DCTD: variants seen among roughly 807,000 people sequenced by gnomAD.
DCTD encodes dCMP deaminase, also known as deoxycytidylate deaminase.
In DCTD, 23 loss-of-function variants were observed where a neutral mutation model predicts 21.0. That is an observed-to-expected ratio of 1.09 (90% CI 0.79 to 1.55). The LOEUF is 1.55. Among genes scored for constraint, DCTD ranks in the 40% most tolerant of loss-of-function variants. The pLI, the probability that DCTD is intolerant of heterozygous loss-of-function variation, is 0.00. For synonymous variants in DCTD, 71 were observed against 81.1 expected (o/e 0.88, Z 0.67); for missense variants, 224 against 230.0 (o/e 0.97, Z 0.17).
intron 3 of DCTD, among the ~76,000 whole-genome samples, chr4:182,912,699 C>T (rs538477052): frequency 7.3e-4 from 111 of 152,312 alleles, no homozygotes; most frequent in Non-Finnish European, 1.3e-3. Flanking sequence ...AAATCAGCTA[C>T]ACGGGAAGTC....
intron 3 of DCTD, among the ~76,000 whole-genome samples, chr4:182,904,922 A>G (rs1409640254): frequency 6.6e-6 from 1 of 152,216 alleles, no homozygotes; most frequent in African/African-American, 2.4e-5. Flanking sequence ...CTGTTCCAGA[A>G]ATCTCTATCT....
intron 3 of DCTD, among the ~76,000 whole-genome samples, chr4:182,899,399 C>CTTTTTTTTTTTTTT (rs548073020): frequency 6.9e-6 from 1 of 144,328 alleles, no homozygotes. Flanking sequence ...CCTTTTTTTT[C>CTTTTTTTTTTTTTT]TTTTTCTTTT....
intron 3 of DCTD, among the ~76,000 whole-genome samples, chr4:182,904,904 C>A (rs1365061045): frequency 6.6e-6 from 1 of 152,206 alleles, no homozygotes; most frequent in African/African-American, 2.4e-5. Flanking sequence ...GCCTTGAGCA[C>A]CTTGCCTCTG....
intron 3 of DCTD, among the ~76,000 whole-genome samples, chr4:182,913,698 C>A (rs1301907914): frequency 6.6e-6 from 1 of 152,226 alleles, no homozygotes; most frequent in Non-Finnish European, 1.5e-5. Context: ...CCAGTCTGTT[C>A]ATTCTCAGAC....
chr4:182,904,323 G>A (rs13111117), intron 3 of DCTD, among the ~76,000 whole-genome samples: 8,708 of 152,248 alleles, frequency 0.057, 341 homozygotes, highest in South Asian at 0.11. Flanking sequence ...CTGCATCCAC[G>A]GTAGGCCATG....
chr4:182,908,708 A>AGAG (rs1737175836), intron 3 of DCTD, among the ~76,000 whole-genome samples: 1 of 137,370 alleles, frequency 7.3e-6, no homozygotes, highest in Non-Finnish European at 1.6e-5. Flanking sequence ...AAAAAAAAGA[A>AGAG]GAAGAAGAAG....
At chr4:182,897,769 G>A (rs146864544) in intron 3 of DCTD, among the ~76,000 whole-genome samples, 21 of 152,132 alleles carry the variant, frequency 1.4e-4, no homozygotes, top group African/African-American at 4.3e-4. Flanking sequence ...CCGCACCTGC[G>A]GGGCTGAGGA....
At chr4:182,893,378 G>T (rs1022835931) in intron 4 of DCTD, among the ~76,000 whole-genome samples, 1 of 152,152 alleles carries the variant, frequency 6.6e-6, no homozygotes, top group Non-Finnish European at 1.5e-5. Context: ...AACATGTCAA[G>T]TAGTCAAGCC....
Position 182,892,939 on chromosome 4 carries a change from G to A in DCTD, c.458+92C>T, listed in dbSNP as rs1382653379. 4.0e-6 allele frequency: 3 copies of A among 754,222 alleles called. No homozygotes were observed. In the African/African-American group the frequency reaches 5.2e-5, roughly 13 times the overall value. The allele number at this position is 754,222 out of a possible 1,614,324, so 46.7% of individuals were successfully genotyped here. On this transcript the variant is annotated intron_variant, in intron 5 of 5. Coordinates refer to ENST00000438320, the MANE Select transcript of DCTD (RefSeq NM_001921.3). ...TCTAAAGACACCTCCAAGTGTGGAA[G>A]TCAGGCATCACAAGGAGGAGACAAG...
chr4:182,907,654 C>T, intron 3 of DCTD, among the ~76,000 whole-genome samples: 1 of 152,116 alleles, frequency 6.6e-6, no homozygotes, highest in South Asian at 2.1e-4. Context: ...TGTACACATG[C>T]ACATTCTCCC....
In DCTD at chr4:182,908,703, AAAGAAG is replaced by A. The variant is rs1216280738; in HGVS notation, c.244+6214_244+6219del. On this transcript the variant is annotated intron_variant, in intron 3 of 5. Transcript: ENST00000438320. ...GTCTCAAAAAAAAAAAAAAAAAAAA[AAAGAAG>A]AAGAAGAAGAAGAAGAAATAAAGAA... Among the ~76,000 whole-genome samples, 743 of 134,886 alleles carry A rather than the reference AAAGAAG, an allele frequency of 5.5e-3. 10 individuals are homozygous for A. The highest frequency in any genetic ancestry group is 0.012 in the East Asian group (53 of 4,360). The allele number at this position is 134,886 out of a possible 152,430, so 88.5% of individuals were successfully genotyped here.
chr4:182,892,879 CT>C lies in DCTD; in HGVS notation c.458+151del, dbSNP rs1310715656. 45 of 628,536 alleles carry C rather than the reference CT, an allele frequency of 7.2e-5. No individual in the cohort carries two copies. In the East Asian group the frequency reaches 1.1e-3, roughly 15 times the overall value. 38.9% of individuals were successfully genotyped at this position (628,536 alleles called of 1,614,324 possible). A position where few individuals can be genotyped will look rare whatever the true frequency, so the allele number is the denominator to read the frequency against. On this transcript the variant is annotated intron_variant, in intron 5 of 5. Transcript: ENST00000438320. The stretch of plus-strand genomic sequence containing the variant: ...TGTCACTGCTCTTAAATATCTACCC[CT>C]ATAATAGTCTTTAAATTCTTATGCC...
Position 182,915,020 on chromosome 4 carries a change from G to T in DCTD, c.147C>A (p.Val49=). ...ACIVNSENKI[V]GIGYNGMPNG... ...TTGGCATCCCATTGTACCCAATCCC[G>T]ACAATCTTGTTTTCTGAATTCACGA... Residue 49 remains valine, a synonymous_variant, in exon 3 of 6, where the codon GTC becomes GTA. Transcript: ENST00000438320. 6.2e-7 allele frequency: 1 copy of T among 1,614,164 alleles called. No individual in the cohort carries two copies. The highest frequency in any genetic ancestry group is 8.5e-7 in the Non-Finnish European group (1 of 1,180,028).
chr4:182,915,300 G>A (rs915378555), intron 2 of DCTD, among the ~76,000 whole-genome samples, 161 bp downstream of exon 2: 1 of 152,228 alleles, frequency 6.6e-6, no homozygotes, highest in Non-Finnish European at 1.5e-5. Context: ...ACAATTTTCT[G>A]TCTCACAGGA....
At chr4:182,891,856 A>T (rs1733811104) in intron 5 of DCTD, among the ~76,000 whole-genome samples, 1 of 152,164 alleles carries the variant, frequency 6.6e-6, no homozygotes, top group Non-Finnish European at 1.5e-5. Flanking sequence ...ATGCAAAAAA[A>T]TAGTAAATTT....
At position 182,917,182 on chromosome 4, in the gene DCTD, C is replaced by T; in HGVS notation, c.-8+129G>A. 3 of 990,818 alleles carry T rather than the reference C, an allele frequency of 3.0e-6. No homozygotes were observed. Among genetic ancestry groups the T allele is most frequent in the South Asian group, 9.2e-5 (2 of 21,732 alleles). 61.4% of individuals were successfully genotyped at this position (990,818 alleles called of 1,614,324 possible). A position where few individuals can be genotyped will look rare whatever the true frequency, so the allele number is the denominator to read the frequency against. On this transcript the variant is annotated intron_variant, in intron 1 of 5. Transcript: ENST00000438320. This position sits in a 1 kb window ranked among gnomAD's most constrained non-coding sequence, Gnocchi z 4.9. The stretch of plus-strand genomic sequence containing the variant: ...CTAAAGGCTGAGCGCGGCCGAGGCG[C>T]CCCCAGCGTCCGCGGCCCCAGGCCC...
intron 3 of DCTD, among the ~76,000 whole-genome samples, chr4:182,902,657 G>C (rs184914163): frequency 1.3e-5 from 2 of 152,224 alleles, no homozygotes; most frequent in East Asian, 3.9e-4. Context: ...TAAAACTTTC[G>C]CAGTTTCCCA....
chr4:182,916,719 G>GT, intron 1 of DCTD: 1 of 1,066,470 alleles, frequency 9.4e-7, no homozygotes, highest in East Asian at 1.0e-4. Context: ...TGCTGGAGAA[G>GT]TACCTACTAA....
Position 182,890,185 on chromosome 4 carries a change from G to A in DCTD, c.*1214C>T, listed in dbSNP as rs576360629. 2.6e-4 allele frequency: 40 copies of A among 152,212 alleles called. No individual in the cohort carries two copies. The highest frequency in any genetic ancestry group is 9.6e-4 in the African/African-American group (40 of 41,532). The allele number at this position is 152,212 out of a possible 1,614,324, so 9.4% of individuals were successfully genotyped here. On this transcript the variant is annotated 3_prime_UTR_variant, in exon 6 of 6. Transcript: ENST00000438320. ...AGAATGTGGAATACAAAATCTCAGA[G>A]ACAAAATAAAAACTCATGAAAATAT...
Sources: gnomAD v4.1 joint callset for allele counts (sites outside exome capture counted in the v4.1 genomes callset) on GRCh38, gnomAD v4.1.1 for gene constraint, Gnocchi (gnomAD v3.1) non-coding constraint, MANE v1.5 for transcripts, NCBI Gene and HGNC (gene_info 2026-07-23, HGNC 2026-07-21) for gene names.